MAP3K8: variants seen among roughly 807,000 people sequenced by gnomAD.
MAP3K8 encodes Ewing sarcoma transformant.
In MAP3K8, 22 loss-of-function variants were observed where a neutral mutation model predicts 45.8. That is an observed-to-expected ratio of 0.48 (90% CI 0.34 to 0.69). The LOEUF (loss-of-function observed/expected upper bound fraction) is 0.69, where lower values mean the gene tolerates loss of function less well. Among genes scored for constraint, MAP3K8 ranks in the 30% least tolerant of loss-of-function variants. MAP3K8 has a pLI of 0.01. For missense variants in MAP3K8, 419 were observed against 585.0 expected, an observed-to-expected ratio of 0.72 and a Z score of 2.93; for synonymous variants, 223 against 214.3, an observed-to-expected ratio of 1.04 and a Z score of -0.36.
At chr10:30,453,871 GA>G (rs1042480695) in intron 6 of MAP3K8, among the ~76,000 whole-genome samples, 18 of 116,166 alleles carry the variant, frequency 1.5e-4, no homozygotes, top group South Asian at 6.0e-4. Flanking sequence ...CATCTCTTTT[GA>G]AAAAAAAAAA....
intron 1 of MAP3K8, among the ~76,000 whole-genome samples, chr10:30,435,975 A>T (rs1233572417): frequency 6.6e-6 from 1 of 152,210 alleles, no homozygotes; most frequent in Non-Finnish European, 1.5e-5. Flanking sequence ...CTGTATATGG[A>T]GGCAGCCAAG....
At chr10:30,439,895 G>C (rs1397864883) in intron 3 of MAP3K8, among the ~76,000 whole-genome samples, 1 of 152,242 alleles carries the variant, frequency 6.6e-6, no homozygotes, top group African/African-American at 2.4e-5. Flanking sequence ...GGCTTAATGA[G>C]ACTCCTTCGT....
At position 30,439,128 on chromosome 10, in the gene MAP3K8, C is replaced by T. The variant is rs377410996; in HGVS notation, c.190C>T (p.Leu64=). The T allele has an allele frequency of 5.6e-6, 9 of 1,614,114 alleles. No individual in the cohort carries two copies. Among genetic ancestry groups the T allele is most frequent in the Non-Finnish European group, 6.8e-6 (8 of 1,180,038 alleles). Residue 64 remains leucine (L), a synonymous_variant, in exon 3 of 9, where the codon CTG becomes TTG. Coordinates refer to ENST00000263056, the MANE Select transcript of MAP3K8 (RefSeq NM_005204.4). ...NQNDERSKSL[L]LSGQEVPWLS... The stretch of plus-strand genomic sequence containing the variant: ...AAACGATGAGCGTTCTAAGTCTCTG[C>T]TGCTTAGTGGCCAAGAGGTACCATG...
chr10:30,438,153 T>C (rs190730534), intron 2 of MAP3K8, among the ~76,000 whole-genome samples: 3 of 152,330 alleles, frequency 2.0e-5, no homozygotes, highest in Non-Finnish European at 4.4e-5. Flanking sequence ...GCCATTTATT[T>C]AGATATTAAT....
intron 3 of MAP3K8, among the ~76,000 whole-genome samples, chr10:30,446,614 A>G (rs1403764293): frequency 6.6e-6 from 1 of 152,042 alleles, no homozygotes; most frequent in Non-Finnish European, 1.5e-5. Context: ...TACTGATTAC[A>G]TTGAGGAGAA....
chr10:30,454,391 A>G (rs1302927803), intron 6 of MAP3K8, among the ~76,000 whole-genome samples: 1 of 152,074 alleles, frequency 6.6e-6, no homozygotes, highest in African/African-American at 2.4e-5. Context: ...AAAGTAAACA[A>G]ACAAACAAAC....
At chr10:30,450,218 T>A (rs1297466563) in intron 4 of MAP3K8, 40 bp from the exon 5 acceptor site, 1 of 1,542,390 alleles carries the variant, frequency 6.5e-7, no homozygotes, top group East Asian at 2.3e-5. Context: ...AAGATGACTT[T>A]GGGGTTATTT....
chr10:30,447,841 G>A lies in MAP3K8; in HGVS notation c.396G>A (p.Trp132Ter). 3 of 1,613,632 alleles carry A rather than the reference G, an allele frequency of 1.9e-6. No individual in the cohort carries two copies. The highest frequency in any genetic ancestry group is 2.5e-6 in the Non-Finnish European group (3 of 1,179,664). The part of the protein sequence containing the change: ...QIDSDVLLIP[W>*]KLTYRNIGSD... Reference sequence around the variant, plus strand: ...ATTCCGATGTTCTCCTGATCCCCTGGAAGCTGACTTACAGGAATATTGGTT... The same window carrying A: ...ATTCCGATGTTCTCCTGATCCCCTGAAAGCTGACTTACAGGAATATTGGTT... The change falls in exon 4 of 9, where the codon TGG becomes TGA. Residue 132 changes from tryptophan to a stop codon, truncating the protein, a stop_gained. Transcript: ENST00000263056. LOFTEE classifies it high-confidence loss of function.
chr10:30,444,493 A>G (rs1326733420), intron 3 of MAP3K8, among the ~76,000 whole-genome samples: 1 of 152,140 alleles, frequency 6.6e-6, no homozygotes, highest in Non-Finnish European at 1.5e-5. Flanking sequence ...AAATTAAATT[A>G]AATACAGGGG....
chr10:30,450,349 G>T lies in MAP3K8; in HGVS notation c.596G>T (p.Trp199Leu). The change falls in exon 5 of 9, where the codon TGG becomes TTG. Residue 199 changes from tryptophan (W) to leucine (L), a missense_variant. Transcript: ENST00000263056. The stretch of plus-strand genomic sequence containing the variant: ...GCAGAGCTGTATGGCGCAGTCCTGT[G>T]GGGTGAAACTGTCCATCTCTTTATG... ...NIAELYGAVL[W>L]GETVHLFMEA... is the part of the protein sequence containing the mutation. 1.2e-6 allele frequency: 2 copies of T among 1,614,140 alleles called. No homozygotes were observed. The highest frequency in any genetic ancestry group is 1.7e-6 in the Non-Finnish European group (2 of 1,180,030).
At chr10:30,450,978 G>T (rs1277003361) in intron 5 of MAP3K8, among the ~76,000 whole-genome samples, 3 of 150,462 alleles carry the variant, frequency 2.0e-5, no homozygotes, top group African/African-American at 7.3e-5. Flanking sequence ...GGTAATCCCA[G>T]CTACTTGGGA....
At chr10:30,455,564 C>G (rs1030266758) in intron 6 of MAP3K8, among the ~76,000 whole-genome samples, 2 of 152,206 alleles carry the variant, frequency 1.3e-5, no homozygotes, top group African/African-American at 4.8e-5. Flanking sequence ...AGAGAGAATA[C>G]ATAGTGAATG....
At chr10:30,452,376 G>A (rs1372904466) in intron 6 of MAP3K8, among the ~76,000 whole-genome samples, 2 of 152,024 alleles carry the variant, frequency 1.3e-5, no homozygotes, top group Admixed American at 6.6e-5. Flanking sequence ...GGCTGAGGGA[G>A]GAGAATCATC....
chr10:30,435,162 C>G (rs889707125), intron 1 of MAP3K8, among the ~76,000 whole-genome samples: 2 of 152,212 alleles, frequency 1.3e-5, no homozygotes, highest in African/African-American at 4.8e-5. Flanking sequence ...CGTTGCGATG[C>G]TTGTCTATTT....
Position 30,461,306 on chromosome 10 carries a change from C to A in MAP3K8, c.*470C>A. 4.7e-6 allele frequency: 1 copy of A among 213,620 alleles called. No homozygotes were observed. Among genetic ancestry groups the A allele is most frequent in the Non-Finnish European group, 9.5e-6 (1 of 105,460 alleles). 13.2% of individuals were successfully genotyped at this position (213,620 alleles called of 1,614,324 possible). On this transcript the variant is annotated 3_prime_UTR_variant, in exon 9 of 9. Transcript: ENST00000263056. Reference sequence around the variant, plus strand: ...GGTAAATTCTGGTATACATTGAATTCATTATAATTTGGGTGACTAGAACAA... The same window carrying A: ...GGTAAATTCTGGTATACATTGAATTAATTATAATTTGGGTGACTAGAACAA...
intron 2 of MAP3K8, 33 bp from the exon 3 acceptor site, chr10:30,438,883 T>C (rs1835999173): frequency 8.2e-7 from 1 of 1,214,174 alleles, no homozygotes; most frequent in Non-Finnish European, 1.1e-6. Context: ...AATACAAATA[T>C]CGTAAACTAA....
intron 3 of MAP3K8, among the ~76,000 whole-genome samples, chr10:30,443,959 G>A (rs564586094): frequency 1.9e-4 from 29 of 149,870 alleles, no homozygotes; most frequent in South Asian, 6.4e-4. Flanking sequence ...GGAGGCTGAG[G>A]CCAGAGGATC....
chr10:30,435,368 A>G (rs1835878665), intron 1 of MAP3K8, among the ~76,000 whole-genome samples: 1 of 152,138 alleles, frequency 6.6e-6, no homozygotes, highest in Admixed American at 6.5e-5. Flanking sequence ...GCCCATGAGG[A>G]CTTTGTCGTG....
chr10:30,445,532 G>A (rs1341975954), intron 3 of MAP3K8, among the ~76,000 whole-genome samples: 1 of 152,210 alleles, frequency 6.6e-6, no homozygotes, highest in Non-Finnish European at 1.5e-5. Flanking sequence ...GTGAAATCAG[G>A]CCTGTAAATA....
Sources: gnomAD v4.1 joint callset for allele counts (sites outside exome capture counted in the v4.1 genomes callset) on GRCh38, gnomAD v4.1.1 for gene constraint, MANE v1.5 for transcripts, NCBI Gene and HGNC (gene_info 2026-07-23, HGNC 2026-07-21) for gene names.